Variants in ADGRG6 observed in about 807,000 individuals in gnomAD.
The protein encoded by ADGRG6 is G-protein coupled receptor 126.
In ADGRG6, 84 loss-of-function variants were observed where a neutral mutation model predicts 142.4. The ratio of observed to expected loss-of-function variants is 0.59; its 90% confidence interval spans 0.49 to 0.71. The LOEUF (loss-of-function observed/expected upper bound fraction) is 0.71, where lower values mean the gene tolerates loss of function less well. Ranked by LOEUF, ADGRG6 falls within the 30% of genes least tolerant of loss-of-function variation. The pLI, the probability that ADGRG6 is intolerant of heterozygous loss-of-function variation, is 0.00. For synonymous variants in ADGRG6, 521 were observed against 520.5 expected (o/e 1.00, Z -0.01); for missense variants, 1,367 against 1,466.6 (o/e 0.93, Z 1.11).
chr6:142,332,826 G>A (rs1293469079), intron 2 of ADGRG6, among the ~76,000 whole-genome samples: 2 of 152,182 alleles, frequency 1.3e-5, no homozygotes, highest in Non-Finnish European at 2.9e-5. Context: ...CTGAAGGATC[G>A]TGGCAGTAAG....
At chr6:142,411,970 T>C (rs1008413646) in intron 18 of ADGRG6, among the ~76,000 whole-genome samples, 10 of 152,148 alleles carry the variant, frequency 6.6e-5, no homozygotes, top group African/African-American at 2.4e-4. Flanking sequence ...GCAAGAGAGA[T>C]AATGGTTATG....
intron 2 of ADGRG6, among the ~76,000 whole-genome samples, chr6:142,336,486 AAAAT>A (rs1440750838): frequency 6.6e-6 from 1 of 152,192 alleles, no homozygotes; most frequent in Non-Finnish European, 1.5e-5. Flanking sequence ...TCTGGGGTTG[AAAAT>A]AAATAACCAC....
intron 2 of ADGRG6, among the ~76,000 whole-genome samples, chr6:142,334,389 C>T (rs1399607986): frequency 6.6e-6 from 1 of 152,136 alleles, no homozygotes; most frequent in African/African-American, 2.4e-5. Flanking sequence ...ATCCTATGCC[C>T]CCTAAAACCA....
chr6:142,401,153 G>A (rs1429651302), intron 11 of ADGRG6, among the ~76,000 whole-genome samples: 2 of 152,066 alleles, frequency 1.3e-5, no homozygotes, highest in Non-Finnish European at 2.9e-5. Flanking sequence ...TTTTCCTGGG[G>A]GAAATTCAGA....
rs117803920 is a variant in ADGRG6, at chr6:142,324,984, G to A, written c.103+15340G>A. On this transcript the variant is annotated intron_variant, in intron 2 of 24. Transcript: ENST00000367609. ...TTGATGTGAAGGGCAGAGAAACTATGTTGTAAACAAATAGAATGAGGCACA... is the reference window on the plus strand; with the variant it reads ...TTGATGTGAAGGGCAGAGAAACTATATTGTAAACAAATAGAATGAGGCACA... Among the ~76,000 whole-genome samples the A allele has an allele frequency of 5.3e-5, 8 of 152,184 alleles. No homozygotes were observed. The East Asian group carries it at 1.5e-3, about 29-fold the overall frequency.
chr6:142,319,713 C>T (rs1435594617), intron 2 of ADGRG6, among the ~76,000 whole-genome samples: 1 of 152,018 alleles, frequency 6.6e-6, no homozygotes, highest in African/African-American at 2.4e-5. Flanking sequence ...TACTTTAAAG[C>T]AGTTGTTTCA....
intron 2 of ADGRG6, among the ~76,000 whole-genome samples, chr6:142,359,402 C>T (rs1166994297): frequency 1.3e-5 from 2 of 152,162 alleles, no homozygotes; most frequent in Non-Finnish European, 2.9e-5. Flanking sequence ...ACACACGATG[C>T]TCCAGCTGAA....
chr6:142,360,582 T>G (rs1780662459), intron 2 of ADGRG6, among the ~76,000 whole-genome samples: 1 of 152,194 alleles, frequency 6.6e-6, no homozygotes, highest in African/African-American at 2.4e-5. Context: ...TGGCTGGAAT[T>G]AAAGCACCTC....
intron 4 of ADGRG6, among the ~76,000 whole-genome samples, chr6:142,374,219 A>G (rs1360587661): frequency 6.6e-6 from 1 of 152,096 alleles, no homozygotes; most frequent in Admixed American, 6.5e-5. Context: ...TTGCTGAACC[A>G]CATACTTTGG....
intron 1 of ADGRG6, among the ~76,000 whole-genome samples, chr6:142,308,890 G>A (rs1373572316): frequency 2.0e-5 from 3 of 151,690 alleles, no homozygotes; most frequent in African/African-American, 7.3e-5. Flanking sequence ...CATGCAGAAG[G>A]ATAGTTGAGT....
intron 2 of ADGRG6, among the ~76,000 whole-genome samples, chr6:142,337,876 CATAGAT>C (rs1180403135): frequency 1.6e-4 from 24 of 151,706 alleles, no homozygotes; most frequent in African/African-American, 5.8e-4. Flanking sequence ...ACAGGGGACT[CATAGAT>C]ATATATGAAA....
chr6:142,381,984 TG>T lies in ADGRG6; in HGVS notation c.1105del (p.Ala369ProfsTer14). On this transcript the variant is annotated frameshift_variant, in exon 5 of 25. Coordinates refer to ENST00000367609, the MANE Select transcript of ADGRG6 (RefSeq NM_198569.3). LOFTEE classifies it high-confidence loss of function. The stretch of plus-strand genomic sequence containing the variant: ...CTGATCCCGCTCCCAGCAGCAGAAC[TG>T]GCCAGCTGTGCAGACCTGGGGACCC... The part of the protein sequence containing the change: ...SYLIPLPAAE[L>X]ASCADLGTLC... The T allele has an allele frequency of 6.2e-7, 1 of 1,607,734 alleles. No homozygotes were observed. The highest frequency in any genetic ancestry group is 8.5e-7 in the Non-Finnish European group (1 of 1,176,112).
intron 24 of ADGRG6, among the ~76,000 whole-genome samples, chr6:142,438,955 C>A (rs1248479779): frequency 1.3e-5 from 2 of 152,102 alleles, no homozygotes; most frequent in Non-Finnish European, 2.9e-5. Context: ...TGACACTGAA[C>A]ATGTATGTGA....
chr6:142,348,461 T>G (rs1192482732), intron 2 of ADGRG6, among the ~76,000 whole-genome samples: 1 of 152,138 alleles, frequency 6.6e-6, no homozygotes, highest in African/African-American at 2.4e-5. Flanking sequence ...GTTTTCTAAT[T>G]CCCTACATTA....
intron 4 of ADGRG6, 71 bp downstream of exon 4, chr6:142,370,864 A>G (rs753923159): frequency 4.7e-5 from 67 of 1,416,586 alleles, no homozygotes; most frequent in Non-Finnish European, 6.3e-5. Context: ...GTCAACAAAG[A>G]ATTATACATA....
intron 2 of ADGRG6, among the ~76,000 whole-genome samples, chr6:142,356,387 C>A (rs1039459034): frequency 2.6e-5 from 4 of 152,136 alleles, no homozygotes; most frequent in Non-Finnish European, 5.9e-5. Context: ...GAATGTACCC[C>A]AGAAGTCAGG....
chr6:142,315,149 C>A (rs1014353723), intron 2 of ADGRG6, among the ~76,000 whole-genome samples: 8 of 152,002 alleles, frequency 5.3e-5, no homozygotes, highest in Non-Finnish European at 8.8e-5. Context: ...ACAAGATAAA[C>A]CTGGGGAGCT....
chr6:142,328,354 C>T (rs1304048333), intron 2 of ADGRG6, among the ~76,000 whole-genome samples: 3 of 152,172 alleles, frequency 2.0e-5, no homozygotes, highest in Non-Finnish European at 2.9e-5. Flanking sequence ...AGGCACACAT[C>T]TCCATGCCTG....
chr6:142,312,013 A>C (rs1207026123), intron 2 of ADGRG6, among the ~76,000 whole-genome samples: 1 of 151,610 alleles, frequency 6.6e-6, no homozygotes, highest in African/African-American at 2.4e-5. Flanking sequence ...GTTCTTTTTG[A>C]CACTCAGATC....
Sources: gnomAD v4.1 joint callset for allele counts (sites outside exome capture counted in the v4.1 genomes callset) on GRCh38, gnomAD v4.1.1 for gene constraint, MANE v1.5 for transcripts, NCBI Gene and HGNC (gene_info 2026-07-23, HGNC 2026-07-21) for gene names.